The following LRMDA variants were observed in gnomAD, a reference collection of about 807,000 sequenced individuals.
LRMDA encodes the protein leucine rich melanocyte differentiation associated.
In LRMDA, 18 loss-of-function variants were observed where a neutral mutation model predicts 29.8. The ratio of observed to expected loss-of-function variants is 0.60; its 90% CI spans 0.42 to 0.90. The LOEUF (loss-of-function observed/expected upper bound fraction) is 0.90, where lower values mean the gene tolerates loss of function less well. LRMDA is among the 40% of genes least tolerant of loss of function. LRMDA has a pLI of 0.00. For missense variants in LRMDA, 273 were observed against 273.9 expected, an observed-to-expected ratio of 1.00 and a Z score of 0.02; for synonymous variants, 125 against 109.4, an observed-to-expected ratio of 1.14 and a Z score of -0.89.
intron 5 of LRMDA, among the ~76,000 whole-genome samples, chr10:76,117,639 C>T (rs1158373416): frequency 6.6e-6 from 1 of 152,194 alleles, no homozygotes; most frequent in East Asian, 1.9e-4. Flanking sequence ...GCTCTGTGGC[C>T]TTCGAGTGAG....
rs572470270 is a variant in LRMDA at position 76,114,916 on chromosome 10, G to A, written c.516+56133G>A. Among the ~76,000 whole-genome samples, 7 of 152,322 alleles carry A rather than the reference G, an allele frequency of 4.6e-5. No individual in the cohort carries two copies. The East Asian group carries it at 1.2e-3, about 25-fold the overall frequency. On this transcript the variant is annotated intron_variant, in intron 5 of 6. Transcript: ENST00000611255. The stretch of plus-strand genomic sequence containing the variant: ...GCTCAGAAAATTTCAAACAGGATAC[G>A]AATGAATCAGCTGAGCTGAAATGTG...
chr10:75,570,344 G>C lies in LRMDA; in HGVS notation c.131+131850G>C, dbSNP rs539368423. 3.1e-4 allele frequency among the ~76,000 whole-genome samples: 47 copies of C among 152,328 alleles called. 1 individual carries two copies. The highest frequency in any genetic ancestry group is 4.1e-4 in the South Asian group (2 of 4,824). On this transcript the variant is annotated intron_variant, in intron 2 of 6. Transcript: ENST00000611255. ...TTTATTGATGACTTCCCTGCTAGGA[G>C]CTCTGCTGGACCTGGGGATACAGTG...
At chr10:76,539,060 C>T (rs537828947) in intron 6 of LRMDA, among the ~76,000 whole-genome samples, 19 of 152,092 alleles carry the variant, frequency 1.2e-4, no homozygotes, top group South Asian at 4.1e-4. Context: ...TTTATAATAG[C>T]GTCTATTTTA....
intron 2 of LRMDA, among the ~76,000 whole-genome samples, chr10:75,894,085 T>G (rs1845542818): frequency 6.6e-6 from 1 of 152,080 alleles, no homozygotes; most frequent in African/African-American, 2.4e-5. Flanking sequence ...GTTATATGAG[T>G]CAGTTCTTTA....
intron 2 of LRMDA, among the ~76,000 whole-genome samples, chr10:75,605,105 G>A (rs886190909): frequency 6.6e-6 from 1 of 152,186 alleles, no homozygotes; most frequent in Admixed American, 6.5e-5. Context: ...TTCTAAAAGA[G>A]TAACAAAGAT....
At chr10:75,469,683 T>A (rs1438757960) in intron 2 of LRMDA, among the ~76,000 whole-genome samples, 1 of 152,134 alleles carries the variant, frequency 6.6e-6, no homozygotes, top group African/African-American at 2.4e-5. Flanking sequence ...AGCCAGAGAC[T>A]TCCTTGCTTT....
In LRMDA at chr10:76,058,587, T is replaced by C. The variant is rs1324780260; in HGVS notation, c.399-79T>C. 4.2e-6 allele frequency: 5 copies of C among 1,188,366 alleles called. No homozygotes were observed. In the African/African-American group the frequency reaches 6.0e-5, roughly 14 times the overall value. 73.6% of individuals were successfully genotyped at this position (1,188,366 alleles called of 1,614,324 possible). On this transcript the variant is annotated intron_variant, in intron 4 of 6. Transcript: ENST00000611255. Reference sequence around the variant, plus strand: ...CCAGAAGACCGGATGGTGTGGATTCTTGAAGATCAGACAAGCTGTCGGGAT... The same window carrying C: ...CCAGAAGACCGGATGGTGTGGATTCCTGAAGATCAGACAAGCTGTCGGGAT...
At chr10:76,285,209 G>A (rs1269288541) in intron 5 of LRMDA, among the ~76,000 whole-genome samples, 1 of 152,092 alleles carries the variant, frequency 6.6e-6, no homozygotes, top group Non-Finnish European at 1.5e-5. Context: ...CCAGGATATA[G>A]TTGGCCAATC....
rs540165308 is a variant in LRMDA, at chr10:75,736,913, A to G, written c.131+298419A>G. ...GACGCCAACTGCCAGCTATTTAGCT[A>G]TTTAGCTATTTAGTAGGGTGGGGAA... is the stretch of plus-strand genomic sequence containing the variant. On this transcript the variant is annotated intron_variant, in intron 2 of 6. Coordinates refer to ENST00000611255, the MANE Select transcript of LRMDA (RefSeq NM_001305581.2). 5.9e-5 allele frequency among the ~76,000 whole-genome samples: 9 copies of G among 152,254 alleles called. No individual in the cohort carries two copies. The South Asian group carries it at 1.9e-3, about 32-fold the overall frequency.
chr10:75,663,817 C>T (rs913201209), intron 2 of LRMDA, among the ~76,000 whole-genome samples: 2 of 152,182 alleles, frequency 1.3e-5, no homozygotes, highest in Non-Finnish European at 2.9e-5. Context: ...GACCCCTATT[C>T]CCAACAGCAT....
At chr10:76,180,951 G>A (rs1381928338) in intron 5 of LRMDA, among the ~76,000 whole-genome samples, 1 of 152,128 alleles carries the variant, frequency 6.6e-6, no homozygotes, top group African/African-American at 2.4e-5. Flanking sequence ...AGGTCTCAGG[G>A]GTTACCCTGT....
intron 2 of LRMDA, among the ~76,000 whole-genome samples, chr10:75,720,559 T>A (rs1286311279): frequency 6.6e-6 from 1 of 152,212 alleles, no homozygotes; most frequent in Admixed American, 6.5e-5. Context: ...AACAGAGTAG[T>A]CTTCAGGTTA....
chr10:75,790,214 C>T (rs1440433846), intron 2 of LRMDA, among the ~76,000 whole-genome samples: 1 of 152,064 alleles, frequency 6.6e-6, no homozygotes, highest in South Asian at 2.1e-4. Context: ...CCTTGGCTAC[C>T]CACTAGATGC....
intron 2 of LRMDA, among the ~76,000 whole-genome samples, chr10:75,740,908 G>A (rs1254366006): frequency 6.6e-6 from 1 of 152,012 alleles, no homozygotes; most frequent in Non-Finnish European, 1.5e-5. Context: ...TTAGAAGCCT[G>A]TCATTCATAT....
intron 2 of LRMDA, among the ~76,000 whole-genome samples, chr10:75,534,521 G>A (rs10509358): frequency 0.045 from 6,817 of 152,272 alleles, 227 homozygotes; most frequent in Non-Finnish European, 0.072. Context: ...TCAACCTGAG[G>A]AGTAAGAATG....
chr10:76,377,173 C>T (rs1841532318), intron 6 of LRMDA, among the ~76,000 whole-genome samples: 1 of 152,052 alleles, frequency 6.6e-6, no homozygotes, highest in Admixed American at 6.5e-5. Flanking sequence ...GTGTGAGCCA[C>T]CACACCCAGC....
intron 5 of LRMDA, among the ~76,000 whole-genome samples, chr10:76,086,905 G>C (rs959117221): frequency 1.3e-5 from 2 of 152,342 alleles, no homozygotes; most frequent in Non-Finnish European, 2.9e-5. Flanking sequence ...AGTGGGTGGA[G>C]AGGAAGAACA....
intron 6 of LRMDA, among the ~76,000 whole-genome samples, chr10:76,540,184 A>G (rs1419525913): frequency 1.3e-5 from 2 of 150,636 alleles, no homozygotes; most frequent in Non-Finnish European, 2.9e-5. Flanking sequence ...TGCAACACAC[A>G]TTAGTGCCTG....
chr10:75,508,130 G>A (rs1845188618), intron 2 of LRMDA, among the ~76,000 whole-genome samples: 1 of 152,196 alleles, frequency 6.6e-6, no homozygotes, highest in Non-Finnish European at 1.5e-5. Context: ...TTAATAACCT[G>A]TGTGGGGGTA....
Sources: gnomAD v4.1 joint callset for allele counts (sites outside exome capture counted in the v4.1 genomes callset) on GRCh38, gnomAD v4.1.1 for gene constraint, MANE v1.5 for transcripts, NCBI Gene and HGNC (gene_info 2026-07-23, HGNC 2026-07-21) for gene names.